The following RECQL variants were observed in gnomAD, a reference collection of about 807,000 sequenced individuals.
The protein encoded by RECQL is RecQ like helicase.
A neutral mutation model predicts 75.8 loss-of-function variants in RECQL; 73 were observed. That is an observed-to-expected ratio of 0.96 (90% CI 0.80 to 1.17). The LOEUF is 1.17. Among genes scored for constraint, RECQL ranks in the 50% most tolerant of loss-of-function variants. The pLI, the probability that RECQL is intolerant of heterozygous loss-of-function variation, is 0.00. For synonymous variants in RECQL, 248 were observed against 254.4 expected, an observed-to-expected ratio of 0.97 and a Z score of 0.24; for missense variants, 699 against 772.1, an observed-to-expected ratio of 0.91 and a Z score of 1.12.
Position 21,483,510 on chromosome 12 carries a change from A to T in RECQL, c.566T>A (p.Val189Glu). The change falls in exon 6 of 15, where the codon GTG (valine) becomes GAG (glutamate). Residue 189 changes from valine (V) to glutamate (E), a missense_variant. By Grantham distance (121) the Val-to-Glu change is moderately radical. Around this residue, in one of 2 missense-constraint regions of RECQL, gnomAD observed 669 missense variants for 713.5 expected, o/e 0.94. Transcript: ENST00000444129. ...GCTTTTTGCAATTTTCTCTGGAGTC[A>T]CATAAATCAGCTTTAACTCGGAGTT... ...NKNSELKLIYVTPEKIAKSKM... is the reference protein window; with the variant it reads ...NKNSELKLIYETPEKIAKSKM... 1.9e-6 allele frequency: 3 copies of T among 1,586,908 alleles called. No individual in the cohort carries two copies. The highest frequency in any genetic ancestry group is 2.6e-6 in the Non-Finnish European group (3 of 1,172,600).
intron 7 of RECQL, among the ~76,000 whole-genome samples, chr12:21,477,561 C>T (rs565320833): frequency 3.5e-4 from 54 of 152,158 alleles, no homozygotes; most frequent in Non-Finnish European, 6.5e-4. Context: ...AGATATATGA[C>T]TTACTCATAT....
chr12:21,472,498 G>A (rs1942997175), intron 12 of RECQL, among the ~76,000 whole-genome samples: 1 of 151,748 alleles, frequency 6.6e-6, no homozygotes, highest in African/African-American at 2.4e-5. Flanking sequence ...TTAGTTATAT[G>A]CTAAATAAGG....
At chr12:21,479,309 G>T (rs1943147162) in intron 6 of RECQL, among the ~76,000 whole-genome samples, 1 of 151,448 alleles carries the variant, frequency 6.6e-6, no homozygotes, top group South Asian at 2.1e-4. Flanking sequence ...TTGATTCTAA[G>T]CTGAGACTTT....
At position 21,475,692 on chromosome 12, in the gene RECQL, G is replaced by A. The variant is rs2137339472; in HGVS notation, c.1082C>T (p.Ser361Leu). The A allele has an allele frequency of 6.2e-7, 1 of 1,613,348 alleles. No individual in the cohort carries two copies. Among genetic ancestry groups the A allele is most frequent in the South Asian group, 1.1e-5 (1 of 91,026 alleles). The change falls in exon 9 of 15, where the codon TCA (serine) becomes TTA (leucine). Residue 361 changes from serine (S) to leucine (L), a missense_variant. Ser to Leu is a moderately radical substitution (Grantham distance 145, BLOSUM62 -2). Transcript: ENST00000444129. ...EDKTTVHRKW[S>L]ANEIQVVVAT... ...AGACCTAACCTGAATTTCATTGGCTGACCATTTTCTATGAACTGTGGTCTT... is the reference window on the plus strand; with the variant it reads ...AGACCTAACCTGAATTTCATTGGCTAACCATTTTCTATGAACTGTGGTCTT...
In RECQL at chr12:21,471,491, G is replaced by A. The variant is rs144775194; in HGVS notation, c.1604C>T (p.Pro535Leu). ...CTCCAGATCTTCACGAGGAAGTGTGGGAGCCACAACACCTGCTACTCTCAG... is the reference window on the plus strand; with the variant it reads ...CTCCAGATCTTCACGAGGAAGTGTGAGAGCCACAACACCTGCTACTCTCAG... ...AKLRVAGVVA[P>L]TLPREDLEKI... is the part of the protein sequence containing the mutation. Residue 535 changes from proline (P) to leucine (L), a missense_variant, in exon 13 of 15, where the codon CCC (proline) becomes CTC (leucine). Physicochemically the swap from Pro to Leu is moderately conservative, Grantham distance 98. Coordinates refer to ENST00000444129, the MANE Select transcript of RECQL (RefSeq NM_002907.4). 3.7e-5 allele frequency: 60 copies of A among 1,613,000 alleles called. No homozygotes were observed. Among genetic ancestry groups the A allele is most frequent in the Non-Finnish European group, 4.0e-5 (47 of 1,179,436 alleles).
chr12:21,485,180 T>G (rs1591983015), intron 5 of RECQL, among the ~76,000 whole-genome samples: 2 of 150,562 alleles, frequency 1.3e-5, no homozygotes, highest in Admixed American at 1.3e-4. Flanking sequence ...TATGTACCAC[T>G]TGAGTGATAC....
chr12:21,477,523 C>CA (rs1308455057), intron 7 of RECQL, among the ~76,000 whole-genome samples: 1 of 152,006 alleles, frequency 6.6e-6, no homozygotes, highest in Non-Finnish European at 1.5e-5. Context: ...CATCTTTATA[C>CA]AAAAAAGAAC....
intron 4 of RECQL, among the ~76,000 whole-genome samples, chr12:21,487,118 T>C (rs1224860292): frequency 7.0e-6 from 1 of 143,036 alleles, no homozygotes; most frequent in African/African-American, 2.6e-5. Flanking sequence ...AACATACAAC[T>C]AAACAGAACT....
chr12:21,473,058 T>G (rs1442020091), intron 12 of RECQL, among the ~76,000 whole-genome samples: 1 of 152,164 alleles, frequency 6.6e-6, no homozygotes, highest in Non-Finnish European at 1.5e-5. Flanking sequence ...ATAGTTTTAA[T>G]TCTGGAAAAT....
chr12:21,496,124 G>A (rs779595281), intron 2 of RECQL, among the ~76,000 whole-genome samples: 3 of 152,130 alleles, frequency 2.0e-5, no homozygotes, highest in Admixed American at 6.5e-5. Context: ...CTACATCAAC[G>A]GCATGAAAGA....
Position 21,469,572 on chromosome 12 carries a change from A to G in RECQL, c.*622T>C, listed in dbSNP as rs1942878691. ...TCAAAAAGATGGTTATGTCAAAAGA[A>G]AAAATATAGCTAAGTATATAAAGGC... On this transcript the variant is annotated 3_prime_UTR_variant, in exon 15 of 15. Coordinates refer to ENST00000444129, the MANE Select transcript of RECQL (RefSeq NM_002907.4). 6.6e-6 allele frequency: 1 copy of G among 152,094 alleles called. No homozygotes were observed. The highest frequency in any genetic ancestry group is 6.6e-5 in the Admixed American group (1 of 15,170). The allele number at this position is 152,094 out of a possible 1,614,324, so 9.4% of individuals were successfully genotyped here.
intron 6 of RECQL, among the ~76,000 whole-genome samples, chr12:21,480,429 T>C (rs1025517106): frequency 6.6e-6 from 1 of 152,110 alleles, no homozygotes; most frequent in Non-Finnish European, 1.5e-5. Flanking sequence ...GTAGACAAAC[T>C]TGAGATTCAT....
At chr12:21,495,486 C>T (rs952119129) in intron 2 of RECQL, among the ~76,000 whole-genome samples, 2 of 151,944 alleles carry the variant, frequency 1.3e-5, no homozygotes, top group Non-Finnish European at 2.9e-5. Flanking sequence ...GTCCTAGCTA[C>T]TTGGGAGGCT....
At chr12:21,484,364 G>A (rs144371960) in intron 5 of RECQL, among the ~76,000 whole-genome samples, 37 of 152,004 alleles carry the variant, frequency 2.4e-4, no homozygotes, top group African/African-American at 8.4e-4. Context: ...TCAAGAGTAG[G>A]GATATATCAT....
At chr12:21,482,275 A>AT in intron 6 of RECQL, among the ~76,000 whole-genome samples, 1 of 151,518 alleles carries the variant, frequency 6.6e-6, no homozygotes, top group Admixed American at 6.6e-5. Flanking sequence ...AAGAAAAAAA[A>AT]AAAAGATTAC....
intron 6 of RECQL, among the ~76,000 whole-genome samples, chr12:21,478,757 AAG>A (rs1943135002): frequency 6.6e-6 from 1 of 152,298 alleles, no homozygotes; most frequent in Admixed American, 6.5e-5. Flanking sequence ...GCTGACCCAA[AAG>A]AGGGACTTGT....
At chr12:21,491,387 C>A in intron 3 of RECQL, 132 bp downstream of exon 3, 1 of 793,216 alleles carries the variant, frequency 1.3e-6, no homozygotes, top group Non-Finnish European at 1.9e-6. Context: ...TGCAAGTTTC[C>A]CATTCCACTG....
At chr12:21,486,189 T>C (rs1943292695) in intron 5 of RECQL, among the ~76,000 whole-genome samples, 1 of 152,184 alleles carries the variant, frequency 6.6e-6, no homozygotes, top group Admixed American at 6.5e-5. Flanking sequence ...ATGGTGGTGT[T>C]TCAATAAAAC....
rs564114703 is a variant in RECQL at position 21,470,914 on chromosome 12, T to C, written c.1797+55A>G. ...GGGAATATGACAGAAAAGCATCCCA[T>C]AGGCTTTAATATACTTTTTAAAATA... On this transcript the variant is annotated intron_variant, in intron 14 of 14. Coordinates refer to ENST00000444129, the MANE Select transcript of RECQL (RefSeq NM_002907.4). 39 of 1,267,854 alleles carry C rather than the reference T, an allele frequency of 3.1e-5. 1 individual carries two copies. The Admixed American group carries it at 1.1e-3, about 36-fold the overall frequency. 78.5% of individuals were successfully genotyped at this position (1,267,854 alleles called of 1,614,324 possible). A position where few individuals can be genotyped will look rare whatever the true frequency, so the allele number is the denominator to read the frequency against.
Sources: gnomAD v4.1 joint callset for allele counts (sites outside exome capture counted in the v4.1 genomes callset) on GRCh38, gnomAD v4.1.1 for gene constraint, gnomAD v4.1.1 regional missense constraint, MANE v1.5 for transcripts, NCBI Gene and HGNC (gene_info 2026-07-23, HGNC 2026-07-21) for gene names.